Variants in MIX23 observed in about 807,000 individuals in gnomAD.
MIX23 encodes the protein mitochondrial matrix import factor 23, also known as protein MIX23.
MIX23 carries 13 observed loss-of-function variants against 21.6 expected under a neutral mutation model. That is an observed-to-expected ratio of 0.60 (90% CI 0.39 to 0.96). MIX23 has a LOEUF of 0.96. Ranked by LOEUF, MIX23 falls within the 40% of genes least tolerant of loss-of-function variation. The pLI is 0.00. For missense variants in MIX23, 144 were observed against 171.2 expected (o/e 0.84, Z 0.89); for synonymous variants, 59 against 58.0 (o/e 1.02, Z -0.08).
chr3:122,374,741 C>T (rs879404145), intron 1 of MIX23, among the ~76,000 whole-genome samples: 1 of 152,078 alleles, frequency 6.6e-6, no homozygotes, highest in Non-Finnish European at 1.5e-5. Flanking sequence ...GAGGTCCTTG[C>T]TCTTACAGAG....
intron 1 of MIX23, among the ~76,000 whole-genome samples, chr3:122,381,122 C>T (rs2075527864): frequency 1.3e-5 from 2 of 152,156 alleles, no homozygotes; most frequent in South Asian, 4.1e-4. Flanking sequence ...ACCCCTAGTC[C>T]CTGCCTGCCT....
intron 2 of MIX23, among the ~76,000 whole-genome samples, chr3:122,368,894 G>A (rs2075417575): frequency 6.6e-6 from 1 of 152,168 alleles, no homozygotes; most frequent in Admixed American, 6.5e-5. Flanking sequence ...GTATTGATAA[G>A]GAAAACTTAT....
chr3:122,381,630 A>C (rs2075532399), intron 1 of MIX23, among the ~76,000 whole-genome samples: 1 of 151,958 alleles, frequency 6.6e-6, no homozygotes, highest in African/African-American at 2.4e-5. Context: ...CAGGAGGAGA[A>C]TCGCTTGAAC....
intron 4 of MIX23, among the ~76,000 whole-genome samples, chr3:122,362,594 G>A (rs141471396): frequency 0.017 from 2,610 of 151,866 alleles, 57 homozygotes; most frequent in East Asian, 0.088. Flanking sequence ...CGATTCTCCT[G>A]CCTCAGCCTC....
chr3:122,362,206 T>C (rs1576228821), intron 4 of MIX23, among the ~76,000 whole-genome samples: 2 of 152,168 alleles, frequency 1.3e-5, no homozygotes, highest in East Asian at 3.9e-4. Flanking sequence ...CAGATACCAG[T>C]AAAACTACAT....
chr3:122,362,354 A>T (rs2075364111), intron 4 of MIX23, among the ~76,000 whole-genome samples: 1 of 152,248 alleles, frequency 6.6e-6, no homozygotes, highest in Admixed American at 6.5e-5. Flanking sequence ...GGTTCTGAGT[A>T]GTAACTCTAA....
At chr3:122,373,418 T>G (rs1209144768) in intron 1 of MIX23, among the ~76,000 whole-genome samples, 2 of 152,008 alleles carry the variant, frequency 1.3e-5, no homozygotes, top group Non-Finnish European at 2.9e-5. Context: ...ACCACAGGCA[T>G]GTGCAATACA....
intron 1 of MIX23, among the ~76,000 whole-genome samples, chr3:122,373,349 G>A (rs2075457805): frequency 6.6e-6 from 1 of 151,596 alleles, no homozygotes; most frequent in Non-Finnish European, 1.5e-5. Flanking sequence ...TTGGCTCACT[G>A]TAACCTCTGC....
chr3:122,366,373 C>T (rs916928226), intron 3 of MIX23: 1 of 152,182 alleles, frequency 6.6e-6, no homozygotes, highest in Admixed American at 6.5e-5. Context: ...GCAGCAAAGA[C>T]AGTGGCTGAG....
rs184874947 is a variant in MIX23, at chr3:122,377,277, G to A, written c.52-5477C>T. 1.5e-3 allele frequency among the ~76,000 whole-genome samples: 228 copies of A among 152,230 alleles called. 1 individual carries two copies. The highest frequency in any genetic ancestry group is 4.9e-4 in the Non-Finnish European group (33 of 68,006). ...AAAGCTCTGTTTTGGACTTGTTAAC[G>A]TTTGAGATGCCTATTAGATATCTGA... On this transcript the variant is annotated intron_variant, in intron 1 of 4. Transcript: ENST00000291458.
chr3:122,373,732 CACTAATTTTT>C (rs2075461307), intron 1 of MIX23, among the ~76,000 whole-genome samples: 1 of 152,186 alleles, frequency 6.6e-6, no homozygotes, highest in Non-Finnish European at 1.5e-5. Flanking sequence ...TCTATCATTC[CACTAATTTTT>C]AATTAGTGAA....
At chr3:122,360,874 G>A (rs1294135458) in intron 4 of MIX23, among the ~76,000 whole-genome samples, 3 of 152,090 alleles carry the variant, frequency 2.0e-5, no homozygotes, top group African/African-American at 4.8e-5. Context: ...ACGGAGTTTC[G>A]CTCTTGTCGC....
At chr3:122,371,837 G>A in intron 1 of MIX23, 37 bp from the exon 2 acceptor site, 6 of 1,502,926 alleles carry the variant, frequency 4.0e-6, no homozygotes, top group African/African-American at 2.8e-5. Flanking sequence ...TAACCCAAAT[G>A]GAAAGTTAGT....
At chr3:122,361,284 T>G (rs2107674841) in intron 4 of MIX23, among the ~76,000 whole-genome samples, 1 of 152,362 alleles carries the variant, frequency 6.6e-6, no homozygotes, top group East Asian at 1.9e-4. Context: ...AGAAATTATA[T>G]AGACTCTGTC....
intron 3 of MIX23, among the ~76,000 whole-genome samples, chr3:122,363,739 T>C (rs533316285): frequency 6.6e-6 from 1 of 151,908 alleles, no homozygotes; most frequent in East Asian, 1.9e-4. Context: ...GTCAGAGGTC[T>C]CAGGCTAAAA....
chr3:122,378,423 T>G (rs1310153722), intron 1 of MIX23, among the ~76,000 whole-genome samples: 1 of 152,230 alleles, frequency 6.6e-6, no homozygotes, highest in Non-Finnish European at 1.5e-5. Context: ...TATCAAATAG[T>G]CATGTAGTGC....
At chr3:122,378,400 G>A (rs1296139812) in intron 1 of MIX23, among the ~76,000 whole-genome samples, 1 of 152,112 alleles carries the variant, frequency 6.6e-6, no homozygotes, top group Non-Finnish European at 1.5e-5. Context: ...TATTACCAGT[G>A]GAACCTATGG....
chr3:122,372,224 CAAAAAA>C (rs55800173), intron 1 of MIX23, among the ~76,000 whole-genome samples: 1 of 46,104 alleles, frequency 2.2e-5, no homozygotes, highest in Non-Finnish European at 4.0e-5. Flanking sequence ...CTCCAACTCT[CAAAAAA>C]AAAAAAAAAA....
At chr3:122,368,443 G>A (rs1192426246) in intron 2 of MIX23, 121 bp from the exon 3 acceptor site, 8 of 968,278 alleles carry the variant, frequency 8.3e-6, no homozygotes, top group South Asian at 1.9e-5. Context: ...AATTTCTGAC[G>A]ACTGAAACCA....
Sources: gnomAD v4.1 joint callset for allele counts (sites outside exome capture counted in the v4.1 genomes callset) on GRCh38, gnomAD v4.1.1 for gene constraint, MANE v1.5 for transcripts, NCBI Gene and HGNC (gene_info 2026-07-23, HGNC 2026-07-21) for gene names.